LHFPL3: variants seen among roughly 807,000 people sequenced by gnomAD.
The protein encoded by LHFPL3 is LHFPL tetraspan subfamily member 3, also known as LHFPL tetraspan subfamily member 3 protein.
Under a neutral mutation model 19.3 loss-of-function variants are expected in LHFPL3, and 5 were observed. The observed-to-expected ratio is 0.26, with a 90% CI of 0.14 to 0.54. LHFPL3 has a LOEUF of 0.54. Among genes scored for constraint, LHFPL3 ranks in the 20% least tolerant of loss-of-function variants. The pLI, the probability that LHFPL3 is intolerant of heterozygous loss-of-function variation, is 0.94. For missense variants in LHFPL3, 249 were observed against 307.4 expected (o/e 0.81, Z 1.42); for synonymous variants, 133 against 126.2 (o/e 1.05, Z -0.36).
At chr7:104,731,415 G>A (rs182251854) in intron 1 of LHFPL3, among the ~76,000 whole-genome samples, 82 of 152,238 alleles carry the variant, frequency 5.4e-4, no homozygotes, top group Non-Finnish European at 9.6e-4. Context: ...GTGGTTTGTA[G>A]TTCTCCTTGA....
At chr7:104,486,646 A>G (rs527961019) in intron 1 of LHFPL3, among the ~76,000 whole-genome samples, 1 of 152,378 alleles carries the variant, frequency 6.6e-6, no homozygotes, top group East Asian at 1.9e-4. Flanking sequence ...AGGGGTGCAG[A>G]TGTAAATATT....
intron 1 of LHFPL3, among the ~76,000 whole-genome samples, chr7:104,520,583 C>T (rs1402505419): frequency 7.3e-6 from 1 of 137,186 alleles, no homozygotes; most frequent in African/African-American, 2.7e-5. Flanking sequence ...GTCCTGGACT[C>T]TTTTTGGTTG....
chr7:104,453,565 C>T (rs1792484161), intron 1 of LHFPL3, among the ~76,000 whole-genome samples: 2 of 152,076 alleles, frequency 1.3e-5, no homozygotes, highest in African/African-American at 4.8e-5. Context: ...AATAAATCTT[C>T]TAAGAAAAGG....
intron 1 of LHFPL3, among the ~76,000 whole-genome samples, chr7:104,501,492 C>CT (rs200075572): frequency 8.6e-5 from 13 of 151,902 alleles, no homozygotes; most frequent in Middle Eastern, 3.4e-3. Flanking sequence ...TCTAAAGGCA[C>CT]TTTTTTTTGC....
intron 1 of LHFPL3, among the ~76,000 whole-genome samples, chr7:104,537,115 G>C (rs1365160978): frequency 1.3e-5 from 2 of 152,144 alleles, no homozygotes; most frequent in African/African-American, 4.8e-5. Flanking sequence ...AAAACTGGTA[G>C]TCCATCTGTT....
intron 1 of LHFPL3, among the ~76,000 whole-genome samples, chr7:104,500,477 C>G (rs1036174977): frequency 1.3e-5 from 2 of 152,112 alleles, no homozygotes; most frequent in African/African-American, 4.8e-5. Context: ...GACATATCTA[C>G]GAAACCGCAA....
At chr7:104,787,709 C>G (rs1431969180) in intron 2 of LHFPL3, among the ~76,000 whole-genome samples, 1 of 152,116 alleles carries the variant, frequency 6.6e-6, no homozygotes, top group Non-Finnish European at 1.5e-5. Context: ...CGCCACCATA[C>G]CTGGCTATTT....
chr7:104,780,748 G>C (rs1173100672), intron 2 of LHFPL3, among the ~76,000 whole-genome samples: 1 of 152,070 alleles, frequency 6.6e-6, no homozygotes, highest in Admixed American at 6.5e-5. Flanking sequence ...CCATCCACAT[G>C]AATGAAACCT....
chr7:104,567,336 G>C (rs182561327), intron 1 of LHFPL3, among the ~76,000 whole-genome samples: 5 of 152,186 alleles, frequency 3.3e-5, no homozygotes, highest in Admixed American at 6.5e-5. Context: ...TCATTCTCAG[G>C]AGATGCTACT....
At chr7:104,845,903 T>C (rs1312167215) in intron 2 of LHFPL3, among the ~76,000 whole-genome samples, 1 of 152,248 alleles carries the variant, frequency 6.6e-6, no homozygotes, top group Non-Finnish European at 1.5e-5. Flanking sequence ...GAGTGAATGC[T>C]AAGTGAAAGC....
intron 2 of LHFPL3, among the ~76,000 whole-genome samples, chr7:104,817,516 C>T (rs1480383215): frequency 2.6e-5 from 4 of 152,182 alleles, no homozygotes; most frequent in Admixed American, 6.5e-5. Context: ...GTCTCCTAAA[C>T]GCTTATTTGA....
intron 1 of LHFPL3, among the ~76,000 whole-genome samples, chr7:104,636,934 G>A (rs1791739450): frequency 1.3e-5 from 2 of 152,242 alleles, no homozygotes; most frequent in Middle Eastern, 3.4e-3. Context: ...TGGTAGTTCT[G>A]TTTTTAGCTC....
At chr7:104,868,072 T>A (rs1046572706) in intron 2 of LHFPL3, among the ~76,000 whole-genome samples, 2 of 151,578 alleles carry the variant, frequency 1.3e-5, no homozygotes, top group African/African-American at 4.9e-5. Context: ...ATTGATGGGA[T>A]GTATCTCAAA....
chr7:104,496,431 C>T (rs556022228), intron 1 of LHFPL3, among the ~76,000 whole-genome samples: 26 of 152,210 alleles, frequency 1.7e-4, no homozygotes, highest in Non-Finnish European at 3.1e-4. Context: ...AATAAACATA[C>T]GTGTGCATGT....
chr7:104,716,916 C>G (rs1458007825), intron 1 of LHFPL3, among the ~76,000 whole-genome samples: 1 of 152,126 alleles, frequency 6.6e-6, no homozygotes, highest in Admixed American at 6.6e-5. Context: ...TTCCTGATTT[C>G]AAAATATATT....
chr7:104,886,220 G>A (rs1182890586), intron 2 of LHFPL3, among the ~76,000 whole-genome samples: 4 of 152,174 alleles, frequency 2.6e-5, no homozygotes, highest in Non-Finnish European at 4.4e-5. Flanking sequence ...TATCATATAT[G>A]CTCAATTCAT....
intron 1 of LHFPL3, among the ~76,000 whole-genome samples, chr7:104,716,114 C>G (rs1038550125): frequency 6.6e-6 from 1 of 151,846 alleles, no homozygotes; most frequent in Non-Finnish European, 1.5e-5. Flanking sequence ...TTTGGGAGGC[C>G]GAGGAGGGTG....
chr7:104,608,822 C>T (rs145321568), intron 1 of LHFPL3, among the ~76,000 whole-genome samples: 4 of 152,246 alleles, frequency 2.6e-5, no homozygotes, highest in Middle Eastern at 3.4e-3. Flanking sequence ...GATCCACCTA[C>T]GTGGACAAAT....
At chr7:104,871,535 A>C (rs1791837817) in intron 2 of LHFPL3, among the ~76,000 whole-genome samples, 1 of 152,192 alleles carries the variant, frequency 6.6e-6, no homozygotes. Context: ...TTCTTTCCTC[A>C]ATAATAAAAT....
Sources: gnomAD v4.1 joint callset for allele counts (sites outside exome capture counted in the v4.1 genomes callset) on GRCh38, gnomAD v4.1.1 for gene constraint, MANE v1.5 for transcripts, NCBI Gene and HGNC (gene_info 2026-07-23, HGNC 2026-07-21) for gene names.